CYP7B1: variants seen among roughly 807,000 people sequenced by gnomAD.
CYP7B1 encodes cytochrome P450 7B1.
CYP7B1 carries 29 observed loss-of-function variants against 42.7 expected under a neutral mutation model. The ratio of observed to expected loss-of-function variants is 0.68; its 90% CI spans 0.51 to 0.93. The LOEUF is 0.93. CYP7B1 is among the 40% of genes least tolerant of loss of function. CYP7B1 has a pLI of 0.00. For synonymous variants in CYP7B1, 235 were observed against 218.2 expected, an observed-to-expected ratio of 1.08 and a Z score of -0.68; for missense variants, 655 against 600.5, an observed-to-expected ratio of 1.09 and a Z score of -0.95.
At chr8:64,725,945 T>G (rs990230627) in intron 1 of CYP7B1, among the ~76,000 whole-genome samples, 21 of 152,158 alleles carry the variant, frequency 1.4e-4, no homozygotes, top group Admixed American at 1.4e-3. Context: ...AACAATCCGC[T>G]GTCGTGTGGC....
chr8:64,650,579 C>T (rs1224577589), intron 1 of CYP7B1, among the ~76,000 whole-genome samples: 1 of 152,078 alleles, frequency 6.6e-6, no homozygotes, highest in African/African-American at 2.4e-5. Context: ...ACCCAGGAGG[C>T]AGAGGTTGCA....
chr8:64,604,334 C>T (rs1805244174), intron 5 of CYP7B1, among the ~76,000 whole-genome samples: 1 of 152,178 alleles, frequency 6.6e-6, no homozygotes, highest in Admixed American at 6.5e-5. Context: ...CTCTAAGCCA[C>T]CTGTCAATAG....
intron 1 of CYP7B1, among the ~76,000 whole-genome samples, chr8:64,771,835 C>A (rs975941803): frequency 9.9e-5 from 15 of 152,256 alleles, no homozygotes; most frequent in Admixed American, 7.9e-4. Context: ...TTTGCCCATG[C>A]AGCTGAACAT....
intron 1 of CYP7B1, among the ~76,000 whole-genome samples, chr8:64,797,340 C>A (rs1038720453): frequency 1.3e-5 from 2 of 152,182 alleles, no homozygotes; most frequent in African/African-American, 4.8e-5. Flanking sequence ...TCTTAACTGG[C>A]TTGCAAATGC....
At chr8:64,695,152 C>G (rs1806804820) in intron 1 of CYP7B1, among the ~76,000 whole-genome samples, 1 of 152,168 alleles carries the variant, frequency 6.6e-6, no homozygotes. Context: ...CTTTTGGTAG[C>G]TGAGGTGAAA....
intron 1 of CYP7B1, among the ~76,000 whole-genome samples, chr8:64,737,871 G>C (rs570325971): frequency 2.0e-5 from 3 of 152,196 alleles, no homozygotes; most frequent in Non-Finnish European, 4.4e-5. Context: ...GGTGGCAGCA[G>C]TAACTGGGAA....
intron 1 of CYP7B1, among the ~76,000 whole-genome samples, chr8:64,639,422 G>T (rs941264804): frequency 6.6e-6 from 1 of 151,968 alleles, no homozygotes; most frequent in East Asian, 1.9e-4. Context: ...TAACTATAGG[G>T]AGACAAACAA....
intron 1 of CYP7B1, among the ~76,000 whole-genome samples, chr8:64,697,408 T>C (rs1806845476): frequency 6.6e-6 from 1 of 152,220 alleles, no homozygotes; most frequent in Non-Finnish European, 1.5e-5. Flanking sequence ...TCCCGCTGTG[T>C]CAATCCAGAC....
intron 1 of CYP7B1, among the ~76,000 whole-genome samples, chr8:64,631,017 C>A (rs965997217): frequency 2.6e-5 from 4 of 152,140 alleles, no homozygotes; most frequent in African/African-American, 9.7e-5. Context: ...TGAATTCCAT[C>A]AAACATTAAC....
intron 1 of CYP7B1, among the ~76,000 whole-genome samples, chr8:64,723,640 CT>C (rs1197269507): frequency 2.0e-5 from 3 of 152,138 alleles, no homozygotes; most frequent in African/African-American, 7.2e-5. Flanking sequence ...GTTCTAGAAA[CT>C]GCTTAGGCAA....
chr8:64,731,614 G>A (rs1372237306), intron 1 of CYP7B1, among the ~76,000 whole-genome samples: 25 of 152,318 alleles, frequency 1.6e-4, no homozygotes, highest in African/African-American at 2.4e-4. Context: ...AGAAATTTGC[G>A]TAAGTACCAA....
intron 1 of CYP7B1, among the ~76,000 whole-genome samples, chr8:64,627,788 G>A (rs565670073): frequency 7.9e-5 from 12 of 152,232 alleles, no homozygotes; most frequent in East Asian, 1.9e-4. Flanking sequence ...TGTCACAACT[G>A]TGCATATTTT....
chr8:64,645,331 A>G (rs1457390182), intron 1 of CYP7B1, among the ~76,000 whole-genome samples: 2 of 152,150 alleles, frequency 1.3e-5, no homozygotes, highest in South Asian at 2.1e-4. Flanking sequence ...CTGAGGAATC[A>G]CCACACTGAC....
At chr8:64,691,025 A>G (rs11995512) in intron 1 of CYP7B1, among the ~76,000 whole-genome samples, 73,575 of 151,916 alleles carry the variant, frequency 0.48, 19,251 homozygotes, top group Non-Finnish European at 0.57. Flanking sequence ...GGATGAAACA[A>G]CTCCCGAGGT....
rs749312747 is a variant in CYP7B1, at chr8:64,596,787, A to G, written c.1376T>C (p.Ile459Thr). The G allele has an allele frequency of 1.2e-6, 2 of 1,613,966 alleles. No individual in the cohort carries two copies. The highest frequency in any genetic ancestry group is 1.1e-5 in the South Asian group (1 of 91,076). ...TAAAAGTATAACCAACAATTGTTTT[A>G]TTTCCATAAGTGCAAAAAATCGGCC... ...CPGRFFALME[I>T]KQLLVILLTY... The change falls in exon 6 of 6, where the codon ATA becomes ACA. Residue 459 changes from isoleucine (I) to threonine (T), a missense_variant. Coordinates refer to ENST00000310193, the MANE Select transcript of CYP7B1 (RefSeq NM_004820.5).
Position 64,615,112 on chromosome 8 carries a change from C to G in CYP7B1, c.971G>C (p.Arg324Pro), listed in dbSNP as rs59035258. ...CTTTTGACCTGTTGACTGCAGCAAA[C>G]GGTCAATTTCGTCACGCACTGCTGC... ...AMAAVRDEID[R>P]LLQSTGQKKG... The change falls in exon 4 of 6, where the codon CGT (arginine) becomes CCT (proline). Residue 324 changes from arginine (R) to proline (P), a missense_variant. Arg to Pro is a moderately radical substitution (Grantham distance 103). Transcript: ENST00000310193. The G allele has an allele frequency of 3.7e-6, 6 of 1,613,570 alleles. No homozygotes were observed. The East Asian group carries it at 1.1e-4, about 30-fold the overall frequency.
intron 1 of CYP7B1, among the ~76,000 whole-genome samples, chr8:64,653,957 C>A (rs1325317249): frequency 6.6e-6 from 1 of 151,994 alleles, no homozygotes; most frequent in Non-Finnish European, 1.5e-5. Context: ...TAAAAGTAAA[C>A]TAAATAAACT....
chr8:64,714,823 A>G (rs191642464), intron 1 of CYP7B1, among the ~76,000 whole-genome samples: 4 of 152,274 alleles, frequency 2.6e-5, no homozygotes, highest in Admixed American at 2.0e-4. Context: ...TAAACTCAAC[A>G]TTTATTTTTT....
intron 1 of CYP7B1, among the ~76,000 whole-genome samples, chr8:64,631,059 G>T (rs984024815): frequency 3.3e-5 from 5 of 152,124 alleles, no homozygotes; most frequent in Non-Finnish European, 5.9e-5. Flanking sequence ...GAAGCAGAGG[G>T]AGCATGTCCT....
Sources: gnomAD v4.1 joint callset for allele counts (sites outside exome capture counted in the v4.1 genomes callset) on GRCh38, gnomAD v4.1.1 for gene constraint, MANE v1.5 for transcripts, NCBI Gene and HGNC (gene_info 2026-07-23, HGNC 2026-07-21) for gene names.